GRID1: variants seen among roughly 807,000 people sequenced by gnomAD.
GRID1 encodes glutamate ionotropic receptor delta type subunit 1.
GRID1 carries 28 observed loss-of-function variants against 98.0 expected under a neutral mutation model. The observed-to-expected ratio is 0.29, with a 90% CI of 0.21 to 0.39. The LOEUF is 0.39. Ranked by LOEUF, GRID1 falls within the 10% of genes least tolerant of loss-of-function variation. The pLI is 1.00. For synonymous variants in GRID1, 553 were observed against 538.5 expected (o/e 1.03, Z -0.37); for missense variants, 1,111 against 1,340.5 (o/e 0.83, Z 2.67).
At chr10:85,786,276 A>G (rs1842428336) in intron 8 of GRID1, among the ~76,000 whole-genome samples, 1 of 152,164 alleles carries the variant, frequency 6.6e-6, no homozygotes. Context: ...TTAGGCACCA[A>G]CCACACACCA....
intron 4 of GRID1, among the ~76,000 whole-genome samples, chr10:86,020,228 G>A (rs1299524796): frequency 6.6e-6 from 1 of 152,228 alleles, no homozygotes; most frequent in Non-Finnish European, 1.5e-5. Context: ...GTTTCCTTTA[G>A]ATAACAGAGT....
At chr10:86,176,006 G>A (rs916402231) in intron 3 of GRID1, among the ~76,000 whole-genome samples, 9 of 151,992 alleles carry the variant, frequency 5.9e-5, no homozygotes, top group African/African-American at 2.2e-4. Context: ...ACCACACCCG[G>A]CCTAATTTTT....
At chr10:86,320,665 G>A (rs1847957561) in intron 2 of GRID1, among the ~76,000 whole-genome samples, 1 of 152,154 alleles carries the variant, frequency 6.6e-6, no homozygotes, top group Admixed American at 6.5e-5. Context: ...CTTAAAAATG[G>A]CTAAAATGGT....
At chr10:85,775,410 G>A (rs940367855) in intron 8 of GRID1, among the ~76,000 whole-genome samples, 3 of 151,918 alleles carry the variant, frequency 2.0e-5, no homozygotes, top group African/African-American at 7.3e-5. Context: ...ACACCAGCAT[G>A]GCACATGTAT....
chr10:86,364,813 T>C (rs1301858263), intron 1 of GRID1, among the ~76,000 whole-genome samples: 1 of 152,232 alleles, frequency 6.6e-6, no homozygotes, highest in Non-Finnish European at 1.5e-5. Context: ...CTAGCGGAGC[T>C]GGGGGTCCCA....
intron 5 of GRID1, among the ~76,000 whole-genome samples, chr10:85,882,059 A>G (rs1009311490): frequency 6.6e-6 from 1 of 152,250 alleles, no homozygotes; most frequent in Non-Finnish European, 1.5e-5. Flanking sequence ...AATGCAAATC[A>G]AAACCACAAT....
chr10:85,820,019 AAGGAAGGAAGGCAGGCAGGCAGGCAGGC>A lies in GRID1; in HGVS notation c.1233+34449_1233+34476del, dbSNP rs1396791820. ...GAAGGAAGGAAGGAAGGAAGGAAGG[AAGGAAGGAAGGCAGGCAGGCAGGCAGGC>A]AGGCAGGCAGGCAGGCAGGCAGGAA... On this transcript the variant is annotated intron_variant, in intron 8 of 15. Transcript: ENST00000327946. 4.3e-3 allele frequency among the ~76,000 whole-genome samples: 480 copies of A among 112,748 alleles called. 5 individuals carry two copies. Among genetic ancestry groups the A allele is most frequent in the East Asian group, 0.016 (60 of 3,734 alleles). The allele number at this position is 112,748 out of a possible 152,430, so 74.0% of individuals were successfully genotyped here.
At chr10:86,146,330 C>T (rs1397269038) in intron 3 of GRID1, among the ~76,000 whole-genome samples, 1 of 152,154 alleles carries the variant, frequency 6.6e-6, no homozygotes, top group Non-Finnish European at 1.5e-5. Context: ...CAAAGATATG[C>T]TTTGAATTTC....
intron 8 of GRID1, 32 bp from the exon 9 acceptor site, chr10:85,729,646 G>A: frequency 7.1e-7 from 1 of 1,402,454 alleles, no homozygotes; most frequent in Non-Finnish European, 1.0e-6. Context: ...TGTGAGGGAT[G>A]GAACTGGCAC....
At chr10:85,785,809 C>G (rs1033740080) in intron 8 of GRID1, among the ~76,000 whole-genome samples, 3 of 152,086 alleles carry the variant, frequency 2.0e-5, no homozygotes, top group Non-Finnish European at 4.4e-5. Context: ...AAACCAAAGA[C>G]AGATTGGCTC....
intron 3 of GRID1, among the ~76,000 whole-genome samples, chr10:86,169,558 C>G (rs548728989): frequency 1.2e-4 from 19 of 152,266 alleles, no homozygotes; most frequent in South Asian, 4.1e-4. Flanking sequence ...AGGGTGGGAA[C>G]CAAAGCCTGA....
intron 2 of GRID1, among the ~76,000 whole-genome samples, chr10:86,329,193 G>A (rs549387535): frequency 6.6e-6 from 1 of 152,356 alleles, no homozygotes; most frequent in East Asian, 1.9e-4. Flanking sequence ...TAAAGCGGCT[G>A]CCTGGTTCCC....
chr10:85,933,285 T>TA (rs59704249), intron 4 of GRID1, among the ~76,000 whole-genome samples: 1,496 of 120,308 alleles, frequency 0.012, 46 homozygotes, highest in African/African-American at 0.036. Flanking sequence ...CTCTGTTCTT[T>TA]AAAAAAAAAA....
intron 4 of GRID1, among the ~76,000 whole-genome samples, chr10:86,002,924 T>C (rs1007492814): frequency 1.1e-4 from 16 of 152,190 alleles, no homozygotes; most frequent in South Asian, 4.1e-4. Context: ...GAAAATTCAA[T>C]GTCTTAAATG....
chr10:86,024,704 C>G lies in GRID1; in HGVS notation c.727-108465G>C, dbSNP rs951060227. 9.2e-5 allele frequency among the ~76,000 whole-genome samples: 14 copies of G among 152,306 alleles called. No homozygotes were observed. In the East Asian group the frequency reaches 2.7e-3, roughly 30 times the overall value. Reference sequence around the variant, plus strand: ...CTTGCTTCTGTCCACAACTCTGCTTCCCAGCAGCCTCACAGTTAGCCGGCT... The same window carrying G: ...CTTGCTTCTGTCCACAACTCTGCTTGCCAGCAGCCTCACAGTTAGCCGGCT... On this transcript the variant is annotated intron_variant, in intron 4 of 15. Transcript: ENST00000327946.
intron 4 of GRID1, among the ~76,000 whole-genome samples, chr10:86,056,446 C>T (rs1437185428): frequency 6.6e-6 from 1 of 152,222 alleles, no homozygotes; most frequent in African/African-American, 2.4e-5. Flanking sequence ...GAATTCTCAT[C>T]TCATTTCCAA....
intron 2 of GRID1, chr10:86,264,845 G>A: frequency 2.2e-6 from 1 of 450,578 alleles, no homozygotes; most frequent in Non-Finnish European, 4.6e-6. Context: ...TGCAGACGAG[G>A]AAGCCCTCCA....
chr10:86,321,624 G>A (rs1258963154), intron 2 of GRID1, among the ~76,000 whole-genome samples: 1 of 152,170 alleles, frequency 6.6e-6, no homozygotes, highest in Non-Finnish European at 1.5e-5. Context: ...TCCAATCTGG[G>A]AAGCCCAGCA....
intron 4 of GRID1, among the ~76,000 whole-genome samples, chr10:85,919,076 C>T (rs140242119): frequency 6.6e-6 from 1 of 151,456 alleles, no homozygotes; most frequent in Non-Finnish European, 1.5e-5. Context: ...GGCTGAGAGC[C>T]CTGCTTCAGA....
Sources: gnomAD v4.1 joint callset for allele counts (sites outside exome capture counted in the v4.1 genomes callset) on GRCh38, gnomAD v4.1.1 for gene constraint, MANE v1.5 for transcripts, NCBI Gene and HGNC (gene_info 2026-07-23, HGNC 2026-07-21) for gene names.